KCNJ15: variants seen among roughly 807,000 people sequenced by gnomAD.
KCNJ15 encodes ATP-sensitive inward rectifier potassium channel 15.
A neutral mutation model predicts 23.0 loss-of-function variants in KCNJ15; 14 were observed. The ratio of observed to expected loss-of-function variants is 0.61; its 90% confidence interval spans 0.40 to 0.95. KCNJ15 has a LOEUF of 0.95. Ranked by LOEUF, KCNJ15 falls within the 40% of genes least tolerant of loss-of-function variation. The pLI is 0.00. For missense variants in KCNJ15, 388 were observed against 461.8 expected, an observed-to-expected ratio of 0.84 and a Z score of 1.46; for synonymous variants, 185 against 183.2, an observed-to-expected ratio of 1.01 and a Z score of -0.08.
chr21:38,267,920 G>T (rs920438717), intron 1 of KCNJ15, among the ~76,000 whole-genome samples: 1 of 152,138 alleles, frequency 6.6e-6, no homozygotes, highest in African/African-American at 2.4e-5. Context: ...TGCTTAGCTT[G>T]GAGAGGGGGT....
chr21:38,238,877 T>TTC (rs201195435), intron 1 of KCNJ15, among the ~76,000 whole-genome samples: 24 of 152,122 alleles, frequency 1.6e-4, no homozygotes, highest in African/African-American at 1.4e-4. Context: ...TCTTTAACCT[T>TTC]TCTCTCTCTC....
chr21:38,307,079 C>G lies in KCNJ15; in HGVS notation c.*6690C>G, dbSNP rs1250093733. On this transcript the variant is annotated 3_prime_UTR_variant, in exon 3 of 3. Coordinates refer to ENST00000398938, the MANE Select transcript of KCNJ15 (RefSeq NM_170736.3). ...AGTCTTAAGCTTGGATTTGCTCCAG[C>G]AGAATGGTGGTTTGTGTTTCTCAAG... 1 of 152,174 alleles carries G rather than the reference C, an allele frequency of 6.6e-6. No homozygotes were observed. The highest frequency in any genetic ancestry group is 1.5e-5 in the Non-Finnish European group (1 of 68,034). 9.4% of individuals were successfully genotyped at this position (152,174 alleles called of 1,614,324 possible).
rs770319693 is a variant in KCNJ15 at position 38,235,417 on chromosome 21, C to T, written c.-398-21629C>T. Among the ~76,000 whole-genome samples the T allele has an allele frequency of 3.3e-5, 5 of 151,898 alleles. No individual in the cohort carries two copies. In the South Asian group the frequency reaches 6.2e-4, roughly 19 times the overall value. ...AAACATACGAAAATTAGCTGGGCGT[C>T]GTGGCACGCGCCTGTAATCCCAGCT... On this transcript the variant is annotated intron_variant, in intron 1 of 4. Coordinates refer to the KCNJ15 transcript ENST00000547341.
intron 1 of KCNJ15, among the ~76,000 whole-genome samples, chr21:38,295,258 T>A (rs190033665): frequency 5.9e-5 from 9 of 152,340 alleles, no homozygotes; most frequent in Non-Finnish European, 1.2e-4. Flanking sequence ...TTACAAAATA[T>A]AGTAATTCTT....
At chr21:38,254,875 G>A (rs894721919), upstream of KCNJ15, among the ~76,000 whole-genome samples, 10 of 152,132 alleles carry the variant, frequency 6.6e-5, no homozygotes, top group Non-Finnish European at 8.8e-5. Flanking sequence ...ATTAAGTAAA[G>A]CTTAGGCTGG....
chr21:38,244,669 C>T (rs1208783439), intron 1 of KCNJ15, among the ~76,000 whole-genome samples: 3 of 152,142 alleles, frequency 2.0e-5, no homozygotes, highest in African/African-American at 7.2e-5. Flanking sequence ...ATGCCAAAAA[C>T]ATCATTATCT....
At chr21:38,281,010 T>G (rs1487248113) in intron 1 of KCNJ15, among the ~76,000 whole-genome samples, 1 of 152,204 alleles carries the variant, frequency 6.6e-6, no homozygotes, top group Non-Finnish European at 1.5e-5. Flanking sequence ...CCGTTTGCTA[T>G]GCAGAGTGTG....
Position 38,299,619 on chromosome 21 carries a change from T to G in KCNJ15, c.358T>G (p.Phe120Val). 6.2e-7 allele frequency: 1 copy of G among 1,614,156 alleles called. No individual in the cohort carries two copies. Among genetic ancestry groups the G allele is most frequent in the Non-Finnish European group, 8.5e-7 (1 of 1,180,014 alleles). Residue 120 changes from phenylalanine (F) to valine (V), a missense_variant, in exon 3 of 3, where the codon TTT (phenylalanine) becomes GTT (valine). By Grantham distance (50) the Phe-to-Val change is conservative. Transcript: ENST00000398938. This position sits in a 1 kb window ranked among gnomAD's most constrained non-coding sequence, Gnocchi z 4.5. ...KVDSLTGAFL[F>V]SLESQTTIGY... ...GGACTCTCTCACTGGGGCGTTTCTC[T>G]TTTCCCTGGAATCCCAGACAACCAT...
intron 1 of KCNJ15, among the ~76,000 whole-genome samples, chr21:38,232,299 C>G (rs866127982): frequency 4.6e-5 from 7 of 151,712 alleles, no homozygotes; most frequent in Non-Finnish European, 1.0e-4. Flanking sequence ...AATATTCCCT[C>G]TTTAATTCTC....
intron 1 of KCNJ15, among the ~76,000 whole-genome samples, chr21:38,264,855 A>C (rs1313763537): frequency 2.6e-5 from 4 of 152,222 alleles, no homozygotes. Flanking sequence ...TGTAAACCCA[A>C]CAGAGGAGAA....
At chr21:38,231,788 C>A (rs1238432354) in intron 1 of KCNJ15, among the ~76,000 whole-genome samples, 1 of 151,682 alleles carries the variant, frequency 6.6e-6, no homozygotes, top group East Asian at 1.9e-4. Flanking sequence ...GGATGTTAGA[C>A]CAGCATTATA....
chr21:38,253,827 A>G (rs375059814), upstream of KCNJ15, among the ~76,000 whole-genome samples: 2 of 152,172 alleles, frequency 1.3e-5, no homozygotes, highest in East Asian at 1.9e-4. Flanking sequence ...TGTATTTTCT[A>G]TGCAAATTTG....
chr21:38,293,777 A>T (rs1601245179), intron 1 of KCNJ15, among the ~76,000 whole-genome samples: 1 of 152,216 alleles, frequency 6.6e-6, no homozygotes, highest in Non-Finnish European at 1.5e-5. Flanking sequence ...GGAGATACAA[A>T]CCGAAGGATT....
intron 1 of KCNJ15, among the ~76,000 whole-genome samples, chr21:38,288,150 C>T (rs1002684895): frequency 1.4e-4 from 20 of 145,618 alleles, no homozygotes; most frequent in Non-Finnish European, 3.0e-4. Flanking sequence ...ACGCCATTCT[C>T]CTGCCTCAGC....
chr21:38,267,423 A>G (rs1981576012), intron 1 of KCNJ15: 1 of 152,166 alleles, frequency 6.6e-6, no homozygotes, highest in Non-Finnish European at 1.5e-5. Context: ...AGAAAGATAT[A>G]ATAAAGGAGG....
chr21:38,236,603 C>G (rs190428092), intron 1 of KCNJ15, among the ~76,000 whole-genome samples: 184 of 152,310 alleles, frequency 1.2e-3, no homozygotes, highest in African/African-American at 4.1e-3. Flanking sequence ...TTAAAATCTA[C>G]TGTAGACTGA....
chr21:38,293,271 A>T (rs1984805922), intron 1 of KCNJ15, among the ~76,000 whole-genome samples: 1 of 152,020 alleles, frequency 6.6e-6, no homozygotes, highest in Non-Finnish European at 1.5e-5. Flanking sequence ...ACCCACCCAC[A>T]TGCAAGGCAA....
Position 38,259,458 on chromosome 21 carries a change from G to C in KCNJ15, c.-117+2273G>C, listed in dbSNP as rs114230270. ...AGCTACCGTTATTTTTTTCCCTGCAGCAATTCAAGCATTGCACCCCGGATT... is the reference window on the plus strand; with the variant it reads ...AGCTACCGTTATTTTTTTCCCTGCACCAATTCAAGCATTGCACCCCGGATT... On this transcript the variant is annotated intron_variant, in intron 1 of 2. Coordinates refer to ENST00000398938, the MANE Select transcript of KCNJ15 (RefSeq NM_170736.3). Among the ~76,000 whole-genome samples, 658 of 152,144 alleles carry C rather than the reference G, an allele frequency of 4.3e-3. 5 individuals are homozygous for C. The highest frequency in any genetic ancestry group is 0.015 in the African/African-American group (626 of 41,512).
In KCNJ15 at chr21:38,301,806, T is replaced by G. The variant is rs74838161; in HGVS notation, c.*1417T>G. ...TTTGAGGCAAAAAATAAATGGGCTA[T>G]GACTGGTTAAATGTCCAAAAGGTGA... On this transcript the variant is annotated 3_prime_UTR_variant, in exon 3 of 3. Transcript: ENST00000398938. The G allele has an allele frequency of 8.4e-3, 1,397 of 167,200 alleles. 9 individuals carry two copies. The highest frequency in any genetic ancestry group is 0.014 in the South Asian group (66 of 4,832). The allele number at this position is 167,200 out of a possible 1,614,324, so 10.4% of individuals were successfully genotyped here. A position where few individuals can be genotyped will look rare whatever the true frequency, so the allele number is the denominator to read the frequency against.
Sources: allele counts gnomAD v4.1 joint callset (sites outside exome capture counted in the v4.1 genomes callset), GRCh38; gene constraint gnomAD v4.1.1; non-coding constraint Gnocchi (gnomAD v3.1); transcripts MANE v1.5; gene names NCBI Gene and HGNC (gene_info 2026-07-23, HGNC 2026-07-21).